STK11: variants seen among roughly 807,000 people sequenced by gnomAD.
The protein encoded by STK11 is serine/threonine-protein kinase STK11.
A neutral mutation model predicts 47.3 loss-of-function variants in STK11; 8 were observed. The observed-to-expected ratio is 0.17, with a 90% CI of 0.10 to 0.31. The LOEUF is 0.31. STK11 is among the 10% of genes least tolerant of loss of function. The probability of loss-of-function intolerance (pLI) is 1.00; values close to 1 mark genes in which losing one functional copy is unlikely to be tolerated. For missense variants in STK11, 475 were observed against 605.0 expected, an observed-to-expected ratio of 0.79 and a Z score of 2.25; for synonymous variants, 330 against 255.8, an observed-to-expected ratio of 1.29 and a Z score of -2.77.
chr19:1,215,684 G>C (rs2080740099), intron 1 of STK11, among the ~76,000 whole-genome samples: 1 of 152,196 alleles, frequency 6.6e-6, no homozygotes, highest in Non-Finnish European at 1.5e-5. Context: ...CTTCCTGCAA[G>C]AGGCAGCCCT....
chr19:1,220,100 T>C, intron 3 of STK11: 1 of 444,606 alleles, frequency 2.2e-6, no homozygotes, highest in South Asian at 3.3e-5. Flanking sequence ...CCAGCAAGAC[T>C]TTGGGGTGCA....
In STK11 at chr19:1,206,072, C is replaced by T. The variant is rs954179581; in HGVS notation, c.-842C>T. 1 of 146,086 alleles carries T rather than the reference C, an allele frequency of 6.8e-6. No homozygotes were observed. 9.0% of individuals were successfully genotyped at this position (146,086 alleles called of 1,614,324 possible). On this transcript the variant is annotated 5_prime_UTR_variant, in exon 1 of 10. Coordinates refer to ENST00000326873, the MANE Select transcript of STK11 (RefSeq NM_000455.5). ...TGGAGCCCCCGCCGCCGCGCCGCCC[C>T]GCGGACCGGACGCTGAGGGCACTCG...
rs975029640 is a variant in STK11, at chr19:1,227,932, C to T, written c.*356C>T. The T allele has an allele frequency of 5.7e-5, 61 of 1,069,836 alleles. No individual in the cohort carries two copies. Among genetic ancestry groups the T allele is most frequent in the African/African-American group, 2.1e-4 (13 of 61,030 alleles). 66.3% of individuals were successfully genotyped at this position (1,069,836 alleles called of 1,614,324 possible). On this transcript the variant is annotated 3_prime_UTR_variant, in exon 10 of 10. Coordinates refer to ENST00000326873, the MANE Select transcript of STK11 (RefSeq NM_000455.5). ...CCGCAGGGCGCCCAGCGCCGTCCGG[C>T]GGCCCCGCCGCAGACCAGCTGGCGG...
intron 8 of STK11, chr19:1,225,390 C>T: frequency 1.2e-6 from 1 of 831,968 alleles, no homozygotes; most frequent in Non-Finnish European, 1.4e-6. Flanking sequence ...CTGCCTCAGC[C>T]TCCTGAGTAG....
rs1555738679 is a variant in STK11 at position 1,221,297 on chromosome 19, C to T, written c.819C>T (p.Ala273=). The stretch of plus-strand genomic sequence containing the variant: ...AGAACATCGGGAAGGGGAGCTACGC[C>T]ATCCCGGGCGACTGTGGCCCCCCGC... ...LFENIGKGSY[A]IPGDCGPPLS... The change falls in exon 6 of 10, where the codon GCC becomes GCT. Residue 273 remains alanine, a synonymous_variant. Transcript: ENST00000326873. 1 of 1,610,970 alleles carries T rather than the reference C, an allele frequency of 6.2e-7. No homozygotes were observed. Among genetic ancestry groups the T allele is most frequent in the South Asian group, 1.1e-5 (1 of 90,692 alleles).
At chr19:1,215,306 G>A (rs947070059) in intron 1 of STK11, among the ~76,000 whole-genome samples, 3 of 152,242 alleles carry the variant, frequency 2.0e-5, no homozygotes, top group African/African-American at 7.2e-5. Flanking sequence ...ACATAGCCCA[G>A]AGAGAACGGA....
intron 1 of STK11, among the ~76,000 whole-genome samples, chr19:1,210,093 G>A (rs1310627098): frequency 1.3e-5 from 2 of 152,122 alleles, no homozygotes; most frequent in Non-Finnish European, 2.9e-5. Flanking sequence ...GAGCTGCCCC[G>A]CTTACAGCTG....
rs1599915310 is a variant in STK11, at chr19:1,207,201, G to A, written c.288G>A (p.Lys96=). ...RRIPNGEANV[K]KEIQLLRRLR... ...TCCCCAACGGGGAGGCCAACGTGAA[G>A]AAGTAAGTATGGCTTGCTGGGGTCG... The change falls in exon 1 of 10, where the codon AAG becomes AAA. Residue 96 remains lysine (K), a splice_region_variant and synonymous_variant. Transcript: ENST00000326873. 1.2e-6 allele frequency: 2 copies of A among 1,601,692 alleles called. No individual in the cohort carries two copies. Among genetic ancestry groups the A allele is most frequent in the Non-Finnish European group, 1.7e-6 (2 of 1,174,140 alleles).
At chr19:1,207,387 C>A (rs1361582357) in intron 1 of STK11, among the ~76,000 whole-genome samples, 184 bp downstream of exon 1, 2 of 152,220 alleles carry the variant, frequency 1.3e-5, no homozygotes, top group South Asian at 4.1e-4. Context: ...TACGGACTTT[C>A]ACTCAGGCAA....
intron 5 of STK11, 83 bp downstream of exon 5, chr19:1,220,800 C>T (rs1233072800): frequency 2.5e-5 from 38 of 1,524,156 alleles, no homozygotes; most frequent in South Asian, 6.3e-5. Flanking sequence ...GGCCTGTGGG[C>T]GCAGGGCGTG....
rs373610101 is a variant in STK11, at chr19:1,220,573, C to T, written c.598-8C>T. ...GCACTCCCTGAGGGCTGCACGGCAC[C>T]GCCACAGGCACTGCACCCGTTCGCG... On this transcript the variant is annotated splice_polypyrimidine_tract_variant and splice_region_variant and intron_variant, in intron 4 of 9. Coordinates refer to ENST00000326873, the MANE Select transcript of STK11 (RefSeq NM_000455.5). 325 of 1,577,368 alleles carry T rather than the reference C, an allele frequency of 2.1e-4. No individual in the cohort carries two copies. The African/African-American group carries it at 3.6e-3, about 17-fold the overall frequency.
At chr19:1,215,445 C>T (rs1388954909) in intron 1 of STK11, among the ~76,000 whole-genome samples, 1 of 152,232 alleles carries the variant, frequency 6.6e-6, no homozygotes, top group Non-Finnish European at 1.5e-5. Flanking sequence ...CTCACTGGCT[C>T]CGCTTCTGGG....
rs140792536 is a variant in STK11, at chr19:1,209,222, C to G, written c.290+2019C>G. 3.6e-3 allele frequency among the ~76,000 whole-genome samples: 501 copies of G among 139,566 alleles called. 3 individuals carry two copies. The highest frequency in any genetic ancestry group is 0.012 in the African/African-American group (482 of 39,790). The allele number at this position is 139,566 out of a possible 152,430, so 91.6% of individuals were successfully genotyped here. A position where few individuals can be genotyped will look rare whatever the true frequency, so the allele number is the denominator to read the frequency against. ...TGGGTTGGTCAGGGGCTAGGCAGAG[C>G]CTGTGCTGGGGGTAGCAGGTGCCCT... On this transcript the variant is annotated intron_variant, in intron 1 of 9. Transcript: ENST00000326873.
intron 1 of STK11, among the ~76,000 whole-genome samples, chr19:1,218,015 G>C (rs774070467): frequency 3.3e-5 from 5 of 152,160 alleles, no homozygotes; most frequent in Non-Finnish European, 5.9e-5. Flanking sequence ...GTGGTGACAC[G>C]TGCCTGTAGT....
chr19:1,222,024 G>A lies in STK11; in HGVS notation c.920+18G>A. On this transcript the variant is annotated intron_variant, in intron 7 of 9. Coordinates refer to ENST00000326873, the MANE Select transcript of STK11 (RefSeq NM_000455.5). The stretch of plus-strand genomic sequence containing the variant: ...CAGCACAGGTGAGCGGCCCCTGGGG[G>A]CAGTGGGGCCGAGGCTGCAGGGAGG... The A allele has an allele frequency of 6.4e-7, 1 of 1,562,396 alleles. No homozygotes were observed. The highest frequency in any genetic ancestry group is 1.4e-5 in the African/African-American group (1 of 73,646).
At position 1,227,709 on chromosome 19, in the gene STK11, C is replaced by G; in HGVS notation, c.*133C>G. On this transcript the variant is annotated 3_prime_UTR_variant, in exon 10 of 10. Transcript: ENST00000326873. ...TTCTGTGCCGACCACGCCCCAGGAC[C>G]TCCGGAGCGCCCTGCAGGGCCGGGC... 3 of 1,070,430 alleles carry G rather than the reference C, an allele frequency of 2.8e-6. No individual in the cohort carries two copies. Among genetic ancestry groups the G allele is most frequent in the Non-Finnish European group, 3.4e-6 (3 of 882,432 alleles). 66.3% of individuals were successfully genotyped at this position (1,070,430 alleles called of 1,614,324 possible).
Position 1,205,934 on chromosome 19 carries a change from CCA to C in STK11, c.-976_-975del, listed in dbSNP as rs2080660825. 1 of 164,374 alleles carries C rather than the reference CCA, an allele frequency of 6.1e-6. No individual in the cohort carries two copies. Among genetic ancestry groups the C allele is most frequent in the African/African-American group, 2.4e-5 (1 of 41,542 alleles). The allele number at this position is 164,374 out of a possible 1,614,324, so 10.2% of individuals were successfully genotyped here. A position where few individuals can be genotyped will look rare whatever the true frequency, so the allele number is the denominator to read the frequency against. On this transcript the variant is annotated 5_prime_UTR_variant, in exon 1 of 10. An upstream open reading frame in the 5' UTR gains an earlier in-frame stop. Transcript: ENST00000326873. Reference sequence around the variant, plus strand: ...GGCCCCCCTCGCCGCTCCGCCTCCTCCACACGCGCGGCGGCCGCGGCGAGGGG... The same window carrying C: ...GGCCCCCCTCGCCGCTCCGCCTCCTCCACGCGCGGCGGCCGCGGCGAGGGG...
intron 2 of STK11, 86 bp from the exon 3 acceptor site, chr19:1,219,238 C>T (rs778076554): frequency 1.6e-5 from 23 of 1,461,838 alleles, no homozygotes; most frequent in African/African-American, 2.8e-5. Flanking sequence ...TGCAGAGGGT[C>T]CCTCCAGAGC....
At position 1,228,010 on chromosome 19, in the gene STK11, C is replaced by T; in HGVS notation, c.*434C>T. ...CATGCATGCAGCGCCACCTGGAAGC[C>T]GCGCGGCCGCTTTGGTTTTTTGTTT... On this transcript the variant is annotated 3_prime_UTR_variant, in exon 10 of 10. Coordinates refer to ENST00000326873, the MANE Select transcript of STK11 (RefSeq NM_000455.5). 6 of 1,067,624 alleles carry T rather than the reference C, an allele frequency of 5.6e-6. No individual in the cohort carries two copies. Among genetic ancestry groups the T allele is most frequent in the Non-Finnish European group, 6.8e-6 (6 of 880,814 alleles). 66.1% of individuals were successfully genotyped at this position (1,067,624 alleles called of 1,614,324 possible).
Sources: allele counts gnomAD v4.1 joint callset (sites outside exome capture counted in the v4.1 genomes callset), GRCh38; gene constraint gnomAD v4.1.1; transcripts MANE v1.5; gene names NCBI Gene and HGNC (gene_info 2026-07-23, HGNC 2026-07-21).